LARGE1: variants seen among roughly 807,000 people sequenced by gnomAD.
The protein encoded by LARGE1 is xylosyl- and glucuronyltransferase LARGE1.
Under a neutral mutation model 87.6 loss-of-function variants are expected in LARGE1, and 43 were observed. The observed-to-expected ratio is 0.49, with a 90% confidence interval of 0.38 to 0.63. The LOEUF is 0.63. LARGE1 is among the 30% of genes least tolerant of loss of function. The pLI is 0.00. For missense variants in LARGE1, 802 were observed against 1,000.2 expected (o/e 0.80, Z 2.67); for synonymous variants, 434 against 394.6 (o/e 1.10, Z -1.18).
intron 2 of LARGE1, chr22:33,747,651 A>C (rs1408828038): frequency 2.0e-5 from 3 of 152,216 alleles, no homozygotes; most frequent in African/African-American, 7.2e-5. Context: ...TTCGATCATC[A>C]TCTCTCTCCA....
chr22:33,563,276 A>G (rs1189773318), intron 6 of LARGE1: 1 of 152,246 alleles, frequency 6.6e-6, no homozygotes, highest in Non-Finnish European at 1.5e-5. Context: ...GATGAGACAG[A>G]GCACAATTAG....
intron 2 of LARGE1, among the ~76,000 whole-genome samples, chr22:33,737,392 A>C (rs1379545663): frequency 6.6e-6 from 1 of 152,206 alleles, no homozygotes; most frequent in Admixed American, 6.5e-5. Flanking sequence ...GTTTTGTGGA[A>C]GTAACACACG....
At chr22:33,349,066 A>T (rs969047066) in intron 9 of LARGE1, among the ~76,000 whole-genome samples, 1 of 152,126 alleles carries the variant, frequency 6.6e-6, no homozygotes. Flanking sequence ...TGGAACTGTG[A>T]GTCCATTAAA....
chr22:33,090,309 G>A, the LARGE1 span, among the ~76,000 whole-genome samples: 18 of 152,114 alleles, frequency 1.2e-4, no homozygotes, highest in African/African-American at 4.3e-4. Context: ...TAATAAATAA[G>A]CACATTATTC....
intron 2 of LARGE1, among the ~76,000 whole-genome samples, chr22:33,698,208 G>C (rs1444565254): frequency 6.6e-6 from 1 of 152,026 alleles, no homozygotes; most frequent in African/African-American, 2.4e-5. Context: ...GAGTAGCTGA[G>C]AGTACAGGAG....
chr22:33,796,288 A>G (rs2085979221), intron 1 of LARGE1, among the ~76,000 whole-genome samples: 1 of 152,200 alleles, frequency 6.6e-6, no homozygotes. Flanking sequence ...CCCTTTTTCT[A>G]AGAGTTGGTT....
chr22:33,783,060 G>C (rs1230857062), intron 1 of LARGE1, among the ~76,000 whole-genome samples: 1 of 151,998 alleles, frequency 6.6e-6, no homozygotes, highest in East Asian at 1.9e-4. Context: ...TCAATTTACA[G>C]ACGAAAAGAC....
intron 2 of LARGE1, among the ~76,000 whole-genome samples, chr22:33,673,880 C>T (rs533502883): frequency 0.015 from 1,040 of 68,696 alleles, 127 homozygotes; most frequent in African/African-American, 0.06. Flanking sequence ...TTAGTAGATA[C>T]GGGGTTTCGC....
chr22:33,483,826 G>A (rs1430472249), intron 6 of LARGE1, among the ~76,000 whole-genome samples: 1 of 152,172 alleles, frequency 6.6e-6, no homozygotes, highest in East Asian at 1.9e-4. Flanking sequence ...TCTGGAAGGA[G>A]TGGCATGCTA....
At chr22:33,847,620 C>T (rs2063472124) in intron 1 of LARGE1, among the ~76,000 whole-genome samples, 1 of 152,158 alleles carries the variant, frequency 6.6e-6, no homozygotes, top group Admixed American at 6.5e-5. Context: ...CCATTAAATC[C>T]AGTCCACTTC....
chr22:33,918,340 C>G (rs1358299605), intron 1 of LARGE1, among the ~76,000 whole-genome samples: 3 of 152,208 alleles, frequency 2.0e-5, no homozygotes, highest in African/African-American at 7.2e-5. Context: ...AAAAACCTCT[C>G]TCTCCTGCCA....
chr22:33,819,390 A>C (rs1048807035), intron 1 of LARGE1, among the ~76,000 whole-genome samples: 1 of 152,232 alleles, frequency 6.6e-6, no homozygotes, highest in Middle Eastern at 3.4e-3. Flanking sequence ...CACAAGCTCT[A>C]TCCCTCTGCT....
chr22:33,147,750 A>G, the LARGE1 span, among the ~76,000 whole-genome samples: 18 of 152,312 alleles, frequency 1.2e-4, no homozygotes, highest in African/African-American at 4.1e-4. Flanking sequence ...TTGGGTAAAT[A>G]GTTCTATGAA....
intron 12 of LARGE1, among the ~76,000 whole-genome samples, chr22:33,294,950 AAACTT>A (rs1933024324): frequency 6.6e-6 from 1 of 152,238 alleles, no homozygotes; most frequent in Non-Finnish European, 1.5e-5. Flanking sequence ...ACCTTTGGGC[AAACTT>A]AACTTCTGTG....
intron 6 of LARGE1, among the ~76,000 whole-genome samples, chr22:33,510,569 T>C (rs116153754): frequency 1.1e-3 from 168 of 152,120 alleles, no homozygotes; most frequent in African/African-American, 3.9e-3. Context: ...TAAAAACTGG[T>C]TTGGTGTTTT....
At chr22:33,120,262 G>A in the LARGE1 span, among the ~76,000 whole-genome samples, 2 of 151,842 alleles carry the variant, frequency 1.3e-5, no homozygotes, top group Non-Finnish European at 2.9e-5. Context: ...GTGGAAATCT[G>A]GAAAAGTAAG....
At chr22:33,201,778 T>C (rs1340908508) in intron 11 of LARGE1, among the ~76,000 whole-genome samples, 1 of 152,178 alleles carries the variant, frequency 6.6e-6, no homozygotes, top group Non-Finnish European at 1.5e-5. Flanking sequence ...GCTTTTACCA[T>C]GAACGAAATG....
intron 6 of LARGE1, among the ~76,000 whole-genome samples, chr22:33,464,892 TACACACAC>T (rs34436418): frequency 7.6e-4 from 106 of 139,516 alleles, no homozygotes; most frequent in African/African-American, 2.8e-3. Context: ...TGCACACACA[TACACACAC>T]ACACACATAC....
chr22:33,093,818 CTTTCTTTTTTTTTTT>C, the LARGE1 span, among the ~76,000 whole-genome samples: 1 of 120,582 alleles, frequency 8.3e-6, no homozygotes, highest in African/African-American at 3.1e-5. Flanking sequence ...TTTTTTCTTT[CTTTCTTTTTTTTTTT>C]TTTTTTTTTT....
Sources: gnomAD v4.1 joint callset for allele counts (sites outside exome capture counted in the v4.1 genomes callset) on GRCh38, gnomAD v4.1.1 for gene constraint, MANE v1.5 for transcripts, NCBI Gene and HGNC (gene_info 2026-07-23, HGNC 2026-07-21) for gene names.